Variants in SPIDR observed in about 807,000 individuals in gnomAD.
SPIDR encodes the protein DNA repair-scaffolding protein.
SPIDR carries 93 observed loss-of-function variants against 104.6 expected under a neutral mutation model. The ratio of observed to expected loss-of-function variants is 0.89; its 90% CI spans 0.75 to 1.06. The LOEUF is 1.06. SPIDR is among the 50% of genes least tolerant of loss of function. The pLI is 0.00. For synonymous variants in SPIDR, 431 were observed against 416.9 expected (o/e 1.03, Z -0.41); for missense variants, 1,154 against 1,111.2 (o/e 1.04, Z -0.55).
At chr8:47,487,834 T>A (rs1320819298) in intron 8 of SPIDR, among the ~76,000 whole-genome samples, 1 of 152,046 alleles carries the variant, frequency 6.6e-6, no homozygotes, top group Non-Finnish European at 1.5e-5. Flanking sequence ...CATGCCAGAA[T>A]CTCTGGGACA....
intron 5 of SPIDR, among the ~76,000 whole-genome samples, chr8:47,298,337 G>A (rs2041314152): frequency 1.3e-5 from 2 of 152,116 alleles, no homozygotes; most frequent in African/African-American, 4.8e-5. Flanking sequence ...TGAGTTCATT[G>A]TAGATTCTGG....
chr8:47,555,295 C>G (rs1183295448), intron 8 of SPIDR, among the ~76,000 whole-genome samples: 1 of 152,134 alleles, frequency 6.6e-6, no homozygotes, highest in Non-Finnish European at 1.5e-5. Flanking sequence ...ATGACTTTCT[C>G]AAAGAATTGA....
chr8:47,542,843 C>G (rs1425205439), intron 8 of SPIDR, among the ~76,000 whole-genome samples: 2 of 152,164 alleles, frequency 1.3e-5, no homozygotes, highest in African/African-American at 4.8e-5. Context: ...CTATTTTCTT[C>G]CACCCTGTCA....
intron 7 of SPIDR, among the ~76,000 whole-genome samples, chr8:47,410,337 C>A (rs935896085): frequency 1.1e-4 from 16 of 151,864 alleles, no homozygotes; most frequent in Admixed American, 9.8e-4. Context: ...CCTGCCATCA[C>A]GCCTGGCTAA....
intron 11 of SPIDR, among the ~76,000 whole-genome samples, chr8:47,677,297 A>T (rs909972056): frequency 1.3e-5 from 2 of 152,310 alleles, no homozygotes; most frequent in Non-Finnish European, 2.9e-5. Context: ...GTTGCTGTTT[A>T]TTATATGCTT....
chr8:47,547,330 T>C, intron 8 of SPIDR: 1 of 519,422 alleles, frequency 1.9e-6, no homozygotes, highest in Non-Finnish European at 3.8e-6. Context: ...GCCCATGACA[T>C]CTATGAATCC....
intron 5 of SPIDR, among the ~76,000 whole-genome samples, chr8:47,359,756 A>G (rs528591487): frequency 9.2e-4 from 140 of 152,284 alleles, no homozygotes; most frequent in African/African-American, 3.1e-3. Flanking sequence ...ACTCAAGAAT[A>G]TATCATAATT....
At chr8:47,507,816 A>G (rs981685686) in intron 8 of SPIDR, among the ~76,000 whole-genome samples, 1 of 152,178 alleles carries the variant, frequency 6.6e-6, no homozygotes, top group Non-Finnish European at 1.5e-5. Context: ...TGTGTGTATC[A>G]AAAGGAAAAT....
chr8:47,494,193 G>A (rs1352518271), intron 8 of SPIDR, among the ~76,000 whole-genome samples: 1 of 150,550 alleles, frequency 6.6e-6, no homozygotes, highest in Non-Finnish European at 1.5e-5. Flanking sequence ...TGTCTATGTT[G>A]CCCAGGCTGG....
chr8:47,260,957 A>G lies in SPIDR; in HGVS notation c.-2A>G, dbSNP rs1008538153. ...CGGTGCGCTCAGGCGGCGCTCCCGGAGATGCCCCGCGGCAGCCGCGCTCGG... is the reference window on the plus strand; with the variant it reads ...CGGTGCGCTCAGGCGGCGCTCCCGGGGATGCCCCGCGGCAGCCGCGCTCGG... On this transcript the variant is annotated 5_prime_UTR_variant, in exon 1 of 20. Coordinates refer to ENST00000297423, the MANE Select transcript of SPIDR (RefSeq NM_001080394.4). The G allele has an allele frequency of 1.3e-5, 16 of 1,229,332 alleles. No individual in the cohort carries two copies. In the African/African-American group the frequency reaches 1.7e-4, roughly 13 times the overall value. 76.2% of individuals were successfully genotyped at this position (1,229,332 alleles called of 1,614,324 possible).
At chr8:47,461,006 A>T (rs1372468145) in intron 8 of SPIDR, among the ~76,000 whole-genome samples, 1 of 152,182 alleles carries the variant, frequency 6.6e-6, no homozygotes, top group African/African-American at 2.4e-5. Flanking sequence ...TCTAACTTGT[A>T]GGGTGTCTGC....
Position 47,298,652 on chromosome 8 carries a change from G to A in SPIDR, c.525+4622G>A, listed in dbSNP as rs1278035345. Reference sequence around the variant, plus strand: ...TGTATAAGGTGTAAGGAAGGGATCTGGTTTCAGCTTTCTACATATGGCTAG... The same window carrying A: ...TGTATAAGGTGTAAGGAAGGGATCTAGTTTCAGCTTTCTACATATGGCTAG... On this transcript the variant is annotated intron_variant, in intron 5 of 19. Transcript: ENST00000297423. Among the ~76,000 whole-genome samples, 172 of 152,188 alleles carry A rather than the reference G, an allele frequency of 1.1e-3. 1 individual carries two copies. Among genetic ancestry groups the A allele is most frequent in the African/African-American group, 3.8e-3 (156 of 41,520 alleles).
At chr8:47,486,427 C>G (rs1015593441) in intron 8 of SPIDR, among the ~76,000 whole-genome samples, 2 of 152,170 alleles carry the variant, frequency 1.3e-5, no homozygotes, top group East Asian at 3.9e-4. Context: ...GGAAAACACT[C>G]TGCGGATATT....
chr8:47,642,670 T>C (rs557150510), intron 10 of SPIDR, among the ~76,000 whole-genome samples: 1 of 152,218 alleles, frequency 6.6e-6, no homozygotes, highest in African/African-American at 2.4e-5. Context: ...ATCCCGGCAC[T>C]TTGGGAGGCA....
At chr8:47,444,953 A>G (rs2070271755) in intron 8 of SPIDR, among the ~76,000 whole-genome samples, 1 of 152,232 alleles carries the variant, frequency 6.6e-6, no homozygotes, top group Non-Finnish European at 1.5e-5. Flanking sequence ...TGTACTTCAG[A>G]TATTGTTTCA....
intron 10 of SPIDR, among the ~76,000 whole-genome samples, chr8:47,658,282 G>GT (rs1342079822): frequency 6.6e-6 from 1 of 151,958 alleles, no homozygotes; most frequent in African/African-American, 2.4e-5. Context: ...GCTGGGCATA[G>GT]TGGCACATGC....
intron 8 of SPIDR, among the ~76,000 whole-genome samples, chr8:47,559,922 T>C (rs2056853079): frequency 6.6e-6 from 1 of 152,226 alleles, no homozygotes. Context: ...GACCTGCTGA[T>C]AAGAATAACA....
intron 8 of SPIDR, among the ~76,000 whole-genome samples, chr8:47,464,667 T>C (rs2074482313): frequency 6.6e-6 from 1 of 151,404 alleles, no homozygotes; most frequent in South Asian, 2.1e-4. Context: ...AGTCCTGTCC[T>C]GTCCTGTCCT....
intron 10 of SPIDR, among the ~76,000 whole-genome samples, chr8:47,661,658 A>G (rs2074128013): frequency 6.6e-6 from 1 of 152,244 alleles, no homozygotes; most frequent in Non-Finnish European, 1.5e-5. Flanking sequence ...CTTGCAGAGC[A>G]CAACCACACA....
Sources: allele counts gnomAD v4.1 joint callset (sites outside exome capture counted in the v4.1 genomes callset), GRCh38; gene constraint gnomAD v4.1.1; transcripts MANE v1.5; gene names NCBI Gene and HGNC (gene_info 2026-07-23, HGNC 2026-07-21).